BNIP5: variants seen among roughly 807,000 people sequenced by gnomAD.
BNIP5 encodes BCL2 interacting protein 5, also known as protein BNIP5.
Under a neutral mutation model 67.3 loss-of-function variants are expected in BNIP5, and 61 were observed. That is an observed-to-expected ratio of 0.91 (90% CI 0.74 to 1.12). The LOEUF is 1.12. Among genes scored for constraint, BNIP5 ranks in the 50% most tolerant of loss-of-function variants. The pLI is 0.00. For missense variants in BNIP5, 826 were observed against 816.3 expected (o/e 1.01, Z -0.14); for synonymous variants, 317 against 319.0 (o/e 0.99, Z 0.07).
chr6:36,324,231 A>C (rs771973818), intron 6 of BNIP5, 41 bp from the exon 7 acceptor site: 23 of 1,555,012 alleles, frequency 1.5e-5, no homozygotes, highest in Non-Finnish European at 1.9e-5. Context: ...TGGTGCTACG[A>C]AATCTCTTCT....
chr6:36,329,889 G>GGAGGAGGA (rs1561885812), intron 2 of BNIP5, among the ~76,000 whole-genome samples, 192 bp downstream of exon 2: 1 of 150,756 alleles, frequency 6.6e-6, no homozygotes, highest in African/African-American at 2.5e-5. Context: ...AGAAGGAGGA[G>GGAGGAGGA]GAGGAGGAGA....
chr6:36,318,477 G>A (rs141930191), intron 11 of BNIP5, among the ~76,000 whole-genome samples: 168 of 152,068 alleles, frequency 1.1e-3, no homozygotes, highest in Non-Finnish European at 2.1e-3. Context: ...GGAGGCCAAG[G>A]TGGGAAGATT....
intron 11 of BNIP5, among the ~76,000 whole-genome samples, chr6:36,318,307 G>A (rs1391049396): frequency 6.6e-6 from 1 of 152,154 alleles, no homozygotes; most frequent in South Asian, 2.1e-4. Flanking sequence ...AGGCTTCTAC[G>A]CTGTGGATCT....
chr6:36,328,199 C>G (rs9368922), intron 3 of BNIP5, among the ~76,000 whole-genome samples: 29,626 of 151,954 alleles, frequency 0.19, 3,109 homozygotes, highest in East Asian at 0.39. Context: ...AAAATGATAC[C>G]CACACAAAGC....
In BNIP5 at chr6:36,330,352, C is replaced by A; in HGVS notation, c.339G>T (p.Glu113Asp). 1 of 1,614,198 alleles carries A rather than the reference C, an allele frequency of 6.2e-7. No homozygotes were observed. Among genetic ancestry groups the A allele is most frequent in the South Asian group, 1.1e-5 (1 of 91,076 alleles). ...MLNFFVRTGPEEPREKASRRP... is the reference protein window; with the variant it reads ...MLNFFVRTGPDEPREKASRRP... The stretch of plus-strand genomic sequence containing the variant: ...TCCTGCTGGCCTTTTCTCTGGGCTC[C>A]TCAGGGCCCGTCCTCACGAAGAAGT... The change falls in exon 2 of 12, where the codon GAG becomes GAT. Residue 113 changes from glutamate (E) to aspartate (D), a missense_variant. By Grantham distance (45) the Glu-to-Asp change is conservative. Coordinates refer to ENST00000437635, the MANE Select transcript of BNIP5 (RefSeq NM_001010903.5).
At chr6:36,332,118 C>T (rs1250021271) in intron 1 of BNIP5, among the ~76,000 whole-genome samples, 1 of 152,218 alleles carries the variant, frequency 6.6e-6, no homozygotes, top group Non-Finnish European at 1.5e-5. Context: ...CCCCACACGT[C>T]CCAGCCTCCA....
chr6:36,318,372 A>AC (rs1274930871), intron 11 of BNIP5, among the ~76,000 whole-genome samples: 1 of 152,046 alleles, frequency 6.6e-6, no homozygotes, highest in Non-Finnish European at 1.5e-5. Flanking sequence ...GGATGAAGAA[A>AC]TCTTTATCAG....
In BNIP5 at chr6:36,326,671, C is replaced by T; in HGVS notation, c.875G>A (p.Ser292Asn). The change falls in exon 5 of 12, where the codon AGC becomes AAC. Residue 292 changes from serine to asparagine, a missense_variant. Ser to Asn is a conservative substitution (Grantham distance 46). Coordinates refer to ENST00000437635, the MANE Select transcript of BNIP5 (RefSeq NM_001010903.5). ...VRKKSQEKKT[S>N]LKRTSKTNPK... ...GTTTGTCTTTGAGGTTCTCTTGAGG[C>T]TTGTCTTTTTCTCTTGGGATTTCTT... The T allele has an allele frequency of 6.2e-7, 1 of 1,614,224 alleles. No individual in the cohort carries two copies. The highest frequency in any genetic ancestry group is 8.5e-7 in the Non-Finnish European group (1 of 1,180,046).
rs1219521893 is a variant in BNIP5, at chr6:36,319,448, A to C, written c.1831T>G (p.Phe611Val). Reference protein sequence around the residue: ...YQFDVSLANKFAGSNSHAMCI... With the variant: ...YQFDVSLANKVAGSNSHAMCI... ...ATGGCATGGCTGTTGCTGCCAGCAA[A>C]TTTGTTAGCTAAGCTAACGTCAAAC... Residue 611 changes from phenylalanine to valine, a missense_variant, in exon 11 of 12, where the codon TTT (phenylalanine) becomes GTT (valine). Physicochemically the swap from Phe to Val is conservative, Grantham distance 50. Coordinates refer to ENST00000437635, the MANE Select transcript of BNIP5 (RefSeq NM_001010903.5). 2 of 1,614,142 alleles carry C rather than the reference A, an allele frequency of 1.2e-6. No individual in the cohort carries two copies. The highest frequency in any genetic ancestry group is 1.7e-6 in the Non-Finnish European group (2 of 1,180,024).
Position 36,335,758 on chromosome 6 carries a change from C to T in BNIP5, c.-5+954G>A, listed in dbSNP as rs144729876. 7.9e-3 allele frequency among the ~76,000 whole-genome samples: 1,197 copies of T among 152,278 alleles called. 13 individuals are homozygous for T. The highest frequency in any genetic ancestry group is 0.024 in the South Asian group (117 of 4,828). ...GGCTAACAGTGGGGCACTGAGGCTC[C>T]GGACCATTAAGAGACACGCCCAAGG... On this transcript the variant is annotated intron_variant, in intron 1 of 11. Transcript: ENST00000437635.
chr6:36,319,395 G>A lies in BNIP5; in HGVS notation c.1884C>T (p.His628=), dbSNP rs368639855. ...AMCILMGLRD[H]YNCTQFPYRE... is the part of the protein sequence containing the mutation. Reference sequence around the variant, plus strand: ...TGTATGGGAACTGGGTGCAATTGTAGTGGTCTCTTAGGCCCATGAGGATGC... The same window carrying A: ...TGTATGGGAACTGGGTGCAATTGTAATGGTCTCTTAGGCCCATGAGGATGC... The change falls in exon 11 of 12, where the codon CAC becomes CAT. Residue 628 remains histidine, a synonymous_variant. Transcript: ENST00000437635. The A allele has an allele frequency of 6.2e-7, 1 of 1,614,064 alleles. No homozygotes were observed. Among genetic ancestry groups the A allele is most frequent in the Non-Finnish European group, 8.5e-7 (1 of 1,180,040 alleles).
intron 11 of BNIP5, among the ~76,000 whole-genome samples, 175 bp from the exon 12 acceptor site, chr6:36,317,566 A>G (rs1249481887): frequency 6.6e-6 from 1 of 152,150 alleles, no homozygotes; most frequent in Admixed American, 6.5e-5. Context: ...TTCTCCCCAG[A>G]CAGCCTCCCC....
chr6:36,318,918 G>C (rs1436047908), intron 11 of BNIP5, among the ~76,000 whole-genome samples: 6 of 152,154 alleles, frequency 3.9e-5, no homozygotes, highest in Non-Finnish European at 1.5e-5. Flanking sequence ...ACAGCCCATG[G>C]AGCCTTCTTG....
intron 1 of BNIP5, among the ~76,000 whole-genome samples, chr6:36,331,440 G>T (rs1162993461): frequency 1.3e-5 from 2 of 152,160 alleles, no homozygotes; most frequent in Non-Finnish European, 2.9e-5. Context: ...TTTTGTTACA[G>T]TAGCAATGGA....
chr6:36,334,245 CG>C (rs1771966197), intron 1 of BNIP5, among the ~76,000 whole-genome samples: 1 of 152,292 alleles, frequency 6.6e-6, no homozygotes, highest in South Asian at 2.1e-4. Context: ...CCTGAGCCCC[CG>C]GGGAGATGAG....
rs1771767134 is a variant in BNIP5, at chr6:36,326,611, C to T, written c.935G>A (p.Gly312Glu). The change falls in exon 5 of 12, where the codon GGG becomes GAG. Residue 312 changes from glycine to glutamate, a missense_variant. Physicochemically the swap from Gly to Glu is moderately conservative, Grantham distance 98 (BLOSUM62 -2). Coordinates refer to ENST00000437635, the MANE Select transcript of BNIP5 (RefSeq NM_001010903.5). ...CTCTGGACTGGAAACATCTGCAGCCCCCCTCTTGGCCTCCTCGGAGCCGTG... is the reference window on the plus strand; with the variant it reads ...CTCTGGACTGGAAACATCTGCAGCCTCCCTCTTGGCCTCCTCGGAGCCGTG... ...KKHGSEEAKR[G>E]AADVSSPEAW... 1.2e-6 allele frequency: 2 copies of T among 1,614,242 alleles called. No individual in the cohort carries two copies. Among genetic ancestry groups the T allele is most frequent in the East Asian group, 2.2e-5 (1 of 44,878 alleles).
Position 36,327,247 on chromosome 6 carries a change from G to A in BNIP5, c.728-153C>T, listed in dbSNP as rs769302053. Among the ~76,000 whole-genome samples, 70 of 152,332 alleles carry A rather than the reference G, an allele frequency of 4.6e-4. No homozygotes were observed. The Middle Eastern group carries it at 0.01, about 22-fold the overall frequency. On this transcript the variant is annotated intron_variant, in intron 3 of 11. Coordinates refer to ENST00000437635, the MANE Select transcript of BNIP5 (RefSeq NM_001010903.5). ...CAGGGGCAGGTTCTTCTGAGAGAAGGTTGGAAGATCCACCGGGGAAGGCAC... is the reference window on the plus strand; with the variant it reads ...CAGGGGCAGGTTCTTCTGAGAGAAGATTGGAAGATCCACCGGGGAAGGCAC...
At position 36,319,570 on chromosome 6, in the gene BNIP5, A is replaced by C. The variant is rs187458829; in HGVS notation, c.1709T>G (p.Phe570Cys). ...CAGCTTGCTGAGGGAGGAGTCCGAG[A>C]ACTCGTAAAAAAACCTCTTAAAGCT... ...HPSFKRFFYE[F>C]SDSSLSKLVA... The change falls in exon 11 of 12, where the codon TTC (phenylalanine) becomes TGC (cysteine). Residue 570 changes from phenylalanine to cysteine, a missense_variant. Transcript: ENST00000437635. 7.3e-5 allele frequency: 117 copies of C among 1,613,668 alleles called. No homozygotes were observed. Among genetic ancestry groups the C allele is most frequent in the Admixed American group, 5.2e-4 (31 of 59,988 alleles).
intron 3 of BNIP5, among the ~76,000 whole-genome samples, chr6:36,327,456 G>A (rs1771790901): frequency 2.0e-5 from 3 of 152,196 alleles, no homozygotes; most frequent in Admixed American, 1.3e-4. Context: ...AGTGAAATGT[G>A]GGTGATAATC....
Sources: gnomAD v4.1 joint callset for allele counts (sites outside exome capture counted in the v4.1 genomes callset) on GRCh38, gnomAD v4.1.1 for gene constraint, MANE v1.5 for transcripts, NCBI Gene and HGNC (gene_info 2026-07-23, HGNC 2026-07-21) for gene names.